MRPS9: variants seen among roughly 807,000 people sequenced by gnomAD.
The protein encoded by MRPS9 is mitochondrial ribosomal protein S9.
A neutral mutation model predicts 59.9 loss-of-function variants in MRPS9; 45 were observed. The observed-to-expected ratio is 0.75, with a 90% confidence interval of 0.59 to 0.96. The LOEUF is 0.96. Among genes scored for constraint, MRPS9 ranks in the 40% least tolerant of loss-of-function variants. The pLI, the probability that MRPS9 is intolerant of heterozygous loss-of-function variation, is 0.00. For synonymous variants in MRPS9, 171 were observed against 166.8 expected, an observed-to-expected ratio of 1.03 and a Z score of -0.19; for missense variants, 473 against 481.1, an observed-to-expected ratio of 0.98 and a Z score of 0.16.
chr2:105,057,250 A>G (rs909541866), intron 2 of MRPS9, among the ~76,000 whole-genome samples: 1 of 151,962 alleles, frequency 6.6e-6, no homozygotes, highest in African/African-American at 2.4e-5. Context: ...CAAAATTAGT[A>G]GTGTATATGG....
intron 5 of MRPS9, among the ~76,000 whole-genome samples, chr2:105,082,344 A>G (rs2104462041): frequency 6.6e-6 from 1 of 152,338 alleles, no homozygotes; most frequent in East Asian, 1.9e-4. Flanking sequence ...GCCATTGGCC[A>G]GGAGCTGTGA....
At chr2:105,077,220 G>A (rs1680229474) in intron 4 of MRPS9, among the ~76,000 whole-genome samples, 1 of 147,382 alleles carries the variant, frequency 6.8e-6, no homozygotes, top group African/African-American at 2.5e-5. Context: ...ACTCCAGCCT[G>A]GGCAATAGAG....
chr2:105,082,650 A>T lies in MRPS9; in HGVS notation c.489+2588A>T, dbSNP rs950015086. Among the ~76,000 whole-genome samples the T allele has an allele frequency of 5.3e-5, 8 of 152,224 alleles. No individual in the cohort carries two copies. The East Asian group carries it at 1.4e-3, about 26-fold the overall frequency. On this transcript the variant is annotated intron_variant, in intron 5 of 10. Transcript: ENST00000258455. ...GGTTTTTGAGGAAAAATGGCCATGA[A>T]ATATAAGGTACAGTTTATTGTTCCT...
At chr2:105,078,821 T>C (rs765745203) in intron 4 of MRPS9, among the ~76,000 whole-genome samples, 11 of 152,030 alleles carry the variant, frequency 7.2e-5, no homozygotes, top group Admixed American at 6.6e-4. Context: ...TCCAGATAGA[T>C]TAAATATTTG....
intron 5 of MRPS9, among the ~76,000 whole-genome samples, chr2:105,083,762 A>C (rs185993000): frequency 2.6e-5 from 4 of 152,288 alleles, no homozygotes; most frequent in Non-Finnish European, 4.4e-5. Context: ...AACTCTAATA[A>C]GGAGACACTT....
chr2:105,042,013 T>C (rs976576360), intron 1 of MRPS9, among the ~76,000 whole-genome samples: 10 of 152,270 alleles, frequency 6.6e-5, no homozygotes, highest in African/African-American at 9.6e-5. Flanking sequence ...AACTTTCTTG[T>C]ACAATGCTTC....
chr2:105,061,030 AAC>A (rs1679890583), intron 2 of MRPS9, among the ~76,000 whole-genome samples: 1 of 144,932 alleles, frequency 6.9e-6, no homozygotes, highest in African/African-American at 2.6e-5. Context: ...GAATGGCGTG[AAC>A]CCGGGAGGTG....
chr2:105,047,749 G>A (rs1216301731), intron 1 of MRPS9, among the ~76,000 whole-genome samples: 3 of 152,096 alleles, frequency 2.0e-5, no homozygotes, highest in Non-Finnish European at 2.9e-5. Flanking sequence ...CATTTTTCTC[G>A]TTTTTTAGCA....
At chr2:105,097,346 G>A (rs373885920) in intron 10 of MRPS9, 22 bp downstream of exon 10, 1 of 1,558,036 alleles carries the variant, frequency 6.4e-7, no homozygotes, top group Non-Finnish European at 8.7e-7. Flanking sequence ...GGTGGGACGG[G>A]CATGGTGGCC....
chr2:105,092,164 T>G (rs1680571351), intron 7 of MRPS9: 1 of 404,466 alleles, frequency 2.5e-6, no homozygotes, highest in Admixed American at 4.1e-5. Flanking sequence ...GAAATTGATT[T>G]TTCTTTGAAT....
At chr2:105,070,794 A>G (rs1362457449) in intron 2 of MRPS9, among the ~76,000 whole-genome samples, 4 of 152,220 alleles carry the variant, frequency 2.6e-5, no homozygotes, top group African/African-American at 7.2e-5. Context: ...TGTCACACCC[A>G]CAATGCCAGT....
At chr2:105,042,137 G>T (rs1421117190) in intron 1 of MRPS9, among the ~76,000 whole-genome samples, 2 of 152,214 alleles carry the variant, frequency 1.3e-5, no homozygotes, top group Non-Finnish European at 2.9e-5. Flanking sequence ...GTGGGTCAGG[G>T]TTCTCCAGGC....
intron 2 of MRPS9, among the ~76,000 whole-genome samples, chr2:105,054,587 T>C (rs76760004): frequency 0.19 from 28,226 of 147,758 alleles, 2,414 homozygotes; most frequent in Middle Eastern, 0.31. Flanking sequence ...GGACCCCTTT[T>C]GGTATCGCAT....
chr2:105,048,634 G>A (rs1679652363), intron 1 of MRPS9, among the ~76,000 whole-genome samples: 1 of 151,852 alleles, frequency 6.6e-6, no homozygotes, highest in Non-Finnish European at 1.5e-5. Flanking sequence ...TTAATATAAG[G>A]ACCATGGAAT....
intron 4 of MRPS9, among the ~76,000 whole-genome samples, chr2:105,078,315 A>AGTGTGTGTGTGTGTGTGTGTGTGT (rs71250682): frequency 6.8e-6 from 1 of 147,356 alleles, no homozygotes; most frequent in African/African-American, 2.5e-5. Flanking sequence ...GGTGAAGTCA[A>AGTGTGTGTGTGTGTGTGTGTGTGT]GTGTGTGTGT....
At chr2:105,040,515 C>T (rs1245993616) in intron 1 of MRPS9, among the ~76,000 whole-genome samples, 1 of 152,164 alleles carries the variant, frequency 6.6e-6, no homozygotes, top group Non-Finnish European at 1.5e-5. Context: ...CACAGTTTAA[C>T]AAGTTTGAGA....
intron 4 of MRPS9, among the ~76,000 whole-genome samples, chr2:105,077,347 A>G (rs1392127839): frequency 6.6e-6 from 1 of 152,228 alleles, no homozygotes; most frequent in East Asian, 1.9e-4. Flanking sequence ...TGTATCAGCA[A>G]CAAATTGGAA....
intron 1 of MRPS9, among the ~76,000 whole-genome samples, chr2:105,039,632 T>A (rs561894608): frequency 6.6e-6 from 1 of 152,224 alleles, no homozygotes; most frequent in South Asian, 2.1e-4. Flanking sequence ...TGCAGTATAT[T>A]GTAAAGTAGA....
intron 5 of MRPS9, among the ~76,000 whole-genome samples, chr2:105,086,503 T>C (rs892099211): frequency 2.6e-5 from 4 of 152,222 alleles, no homozygotes; most frequent in Admixed American, 6.5e-5. Flanking sequence ...GCCTATACTT[T>C]GACTTAAAAC....
Sources: gnomAD v4.1 joint callset for allele counts (sites outside exome capture counted in the v4.1 genomes callset) on GRCh38, gnomAD v4.1.1 for gene constraint, MANE v1.5 for transcripts, NCBI Gene and HGNC (gene_info 2026-07-23, HGNC 2026-07-21) for gene names.